The following SORCS2 variants were observed in gnomAD, a reference collection of about 807,000 sequenced individuals.
SORCS2 encodes VPS10 domain-containing receptor SorCS2.
In SORCS2, 100 loss-of-function variants were observed where a neutral mutation model predicts 141.6. The observed-to-expected ratio is 0.71, with a 90% confidence interval of 0.60 to 0.83. The LOEUF (loss-of-function observed/expected upper bound fraction) is 0.83, where lower values mean the gene tolerates loss of function less well. Among genes scored for constraint, SORCS2 ranks in the 40% least tolerant of loss-of-function variants. The pLI is 0.00. For missense variants in SORCS2, 1,646 were observed against 1,560.2 expected, an observed-to-expected ratio of 1.05 and a Z score of -0.93; for synonymous variants, 789 against 676.9, an observed-to-expected ratio of 1.17 and a Z score of -2.57.
At chr4:7,284,048 G>T (rs1716054334) in intron 1 of SORCS2, among the ~76,000 whole-genome samples, 1 of 152,162 alleles carries the variant, frequency 6.6e-6, no homozygotes, top group Non-Finnish European at 1.5e-5. Flanking sequence ...GGGACACCTG[G>T]AGTAAACCAT....
intron 3 of SORCS2, among the ~76,000 whole-genome samples, chr4:7,635,965 A>G (rs747332404): frequency 3.9e-5 from 6 of 152,210 alleles, no homozygotes; most frequent in Non-Finnish European, 7.3e-5. Flanking sequence ...ACTTAAACGC[A>G]GGCACTCCTT....
rs577530268 is a variant in SORCS2, at chr4:7,683,202, G to A, written c.1488+313G>A. Reference sequence around the variant, plus strand: ...CTGGGCGGCTCTGCTGATCTTGTCTGGGCTGAGCTGGGCAGCTCTGCTGAC... The same window carrying A: ...CTGGGCGGCTCTGCTGATCTTGTCTAGGCTGAGCTGGGCAGCTCTGCTGAC... On this transcript the variant is annotated intron_variant, in intron 10 of 26. Coordinates refer to ENST00000507866, the MANE Select transcript of SORCS2 (RefSeq NM_020777.3). Among the ~76,000 whole-genome samples the A allele has an allele frequency of 2.0e-5, 3 of 152,322 alleles. No individual in the cohort carries two copies. The East Asian group carries it at 5.8e-4, about 29-fold the overall frequency.
intron 9 of SORCS2, among the ~76,000 whole-genome samples, chr4:7,681,559 G>A (rs77380391): frequency 6.6e-5 from 10 of 152,334 alleles, no homozygotes; most frequent in East Asian, 3.9e-4. Flanking sequence ...AACTGTAGCC[G>A]CATGCCAGGC....
intron 2 of SORCS2, among the ~76,000 whole-genome samples, chr4:7,443,396 C>T (rs577024067): frequency 7.5e-4 from 115 of 152,324 alleles, no homozygotes; most frequent in African/African-American, 2.7e-3. Context: ...TCTCTGGCTG[C>T]TGCCTCTAAA....
intron 3 of SORCS2, among the ~76,000 whole-genome samples, chr4:7,555,368 G>A (rs1228197452): frequency 6.6e-6 from 1 of 152,206 alleles, no homozygotes; most frequent in Non-Finnish European, 1.5e-5. Flanking sequence ...GACACCCCCA[G>A]CCATGGTCCC....
chr4:7,739,693 C>T (rs899175064), intron 26 of SORCS2, among the ~76,000 whole-genome samples: 12 of 152,158 alleles, frequency 7.9e-5, no homozygotes, highest in African/African-American at 1.9e-4. Flanking sequence ...GCCCTTGAGG[C>T]GGGGCAGCTC....
intron 14 of SORCS2, among the ~76,000 whole-genome samples, chr4:7,705,612 C>T (rs957788357): frequency 9.2e-5 from 14 of 152,246 alleles, no homozygotes; most frequent in Admixed American, 1.3e-4. Context: ...GCCCACTCGG[C>T]TGGAGTGGCC....
intron 1 of SORCS2, among the ~76,000 whole-genome samples, chr4:7,251,646 T>C (rs976676227): frequency 2.6e-5 from 4 of 152,130 alleles, no homozygotes; most frequent in Non-Finnish European, 4.4e-5. Flanking sequence ...GGTAAATGGG[T>C]ATGATAGGAT....
chr4:7,610,331 G>A (rs1296532009), intron 3 of SORCS2, among the ~76,000 whole-genome samples: 3 of 152,152 alleles, frequency 2.0e-5, no homozygotes, highest in Admixed American at 6.5e-5. Flanking sequence ...CATGAGGGAC[G>A]AGGATGTGGG....
chr4:7,221,994 C>G (rs1728730692), intron 1 of SORCS2, among the ~76,000 whole-genome samples: 1 of 152,020 alleles, frequency 6.6e-6, no homozygotes, highest in Non-Finnish European at 1.5e-5. Flanking sequence ...GGGCTGAGTG[C>G]TATGGAGAAA....
At chr4:7,314,742 A>G (rs1322431516) in intron 1 of SORCS2, among the ~76,000 whole-genome samples, 1 of 148,824 alleles carries the variant, frequency 6.7e-6, no homozygotes, top group African/African-American at 2.5e-5. Context: ...CTTTGCTGTG[A>G]CCACGGGTGT....
chr4:7,643,136 A>T (rs892429441), intron 4 of SORCS2, among the ~76,000 whole-genome samples: 1 of 152,046 alleles, frequency 6.6e-6, no homozygotes, highest in African/African-American at 2.4e-5. Flanking sequence ...TGACTTTACA[A>T]TGCTTCCCTT....
At chr4:7,406,284 T>G (rs1465336413) in intron 2 of SORCS2, among the ~76,000 whole-genome samples, 1 of 152,014 alleles carries the variant, frequency 6.6e-6, no homozygotes, top group Non-Finnish European at 1.5e-5. Flanking sequence ...TCTTCAGTTA[T>G]TTTTGAGCAG....
intron 8 of SORCS2, among the ~76,000 whole-genome samples, chr4:7,675,120 G>A (rs897328004): frequency 2.0e-5 from 3 of 152,224 alleles, no homozygotes; most frequent in Non-Finnish European, 4.4e-5. Context: ...TGCTGGCTGG[G>A]CAAGAAAAGA....
At chr4:7,195,112 G>A (rs1017897799) in intron 1 of SORCS2, among the ~76,000 whole-genome samples, 4 of 150,290 alleles carry the variant, frequency 2.7e-5, no homozygotes, top group African/African-American at 4.9e-5. Flanking sequence ...CCTTGAGGGC[G>A]GCAGCTGGGT....
rs372596742 is a variant in SORCS2 at position 7,723,813 on chromosome 4, C to G, written c.2541C>G (p.Ile847Met). Residue 847 changes from isoleucine (I) to methionine (M), a missense_variant, in exon 19 of 27, where the codon ATC (isoleucine) becomes ATG (methionine). Transcript: ENST00000507866. ...PIRHRYESPG[I>M]YRVSVRAENT... ...GGCACCGCTACGAGAGCCCCGGCAT[C>G]TACCGCGTGTCCGTCAGGGCAGAGA... is the stretch of plus-strand genomic sequence containing the variant. 6 of 1,613,692 alleles carry G rather than the reference C, an allele frequency of 3.7e-6. No homozygotes were observed. Among genetic ancestry groups the G allele is most frequent in the Non-Finnish European group, 5.1e-6 (6 of 1,179,894 alleles).
At chr4:7,646,503 G>A (rs984565311) in intron 4 of SORCS2, among the ~76,000 whole-genome samples, 5 of 152,126 alleles carry the variant, frequency 3.3e-5, no homozygotes, top group African/African-American at 9.7e-5. Context: ...AGACAGAGGC[G>A]GGAGTGGTGG....
intron 2 of SORCS2, among the ~76,000 whole-genome samples, chr4:7,441,370 T>A (rs1445134278): frequency 6.6e-6 from 1 of 152,082 alleles, no homozygotes; most frequent in East Asian, 1.9e-4. Context: ...GAGGCCTGCT[T>A]CTGCCTGGCA....
intron 1 of SORCS2, among the ~76,000 whole-genome samples, chr4:7,214,229 A>G (rs1728201794): frequency 6.6e-6 from 1 of 152,152 alleles, no homozygotes; most frequent in South Asian, 2.1e-4. Flanking sequence ...CAGTATTGGG[A>G]GGTGGGACCT....
Sources: gnomAD v4.1 joint callset for allele counts (sites outside exome capture counted in the v4.1 genomes callset) on GRCh38, gnomAD v4.1.1 for gene constraint, MANE v1.5 for transcripts, NCBI Gene and HGNC (gene_info 2026-07-23, HGNC 2026-07-21) for gene names.